MYO9B: variants seen among roughly 807,000 people sequenced by gnomAD.
MYO9B encodes myosin IXB.
Under a neutral mutation model 229.5 loss-of-function variants are expected in MYO9B, and 71 were observed. The observed-to-expected ratio is 0.31, with a 90% CI of 0.26 to 0.38. The LOEUF (loss-of-function observed/expected upper bound fraction) is 0.38. Among genes scored for constraint, MYO9B ranks in the 10% least tolerant of loss-of-function variants. MYO9B has a pLI of 1.00. For missense variants in MYO9B, 2,255 were observed against 2,920.5 expected, an observed-to-expected ratio of 0.77 and a Z score of 5.25; for synonymous variants, 1,185 against 1,235.8, an observed-to-expected ratio of 0.96 and a Z score of 0.86.
chr19:17,148,456 G>C (rs1345017348), intron 3 of MYO9B, among the ~76,000 whole-genome samples: 1 of 152,198 alleles, frequency 6.6e-6, no homozygotes, highest in Non-Finnish European at 1.5e-5. Context: ...CCACAGGGCT[G>C]GTTCCTTCTG....
intron 15 of MYO9B, among the ~76,000 whole-genome samples, chr19:17,182,149 C>T (rs1418673096): frequency 1.3e-5 from 2 of 151,752 alleles, no homozygotes; most frequent in Non-Finnish European, 2.9e-5. Flanking sequence ...AAACGATCAC[C>T]GCTCACGGCA....
At chr19:17,202,991 GT>G (rs1208024643) in intron 29 of MYO9B, 108 bp downstream of exon 29, 1 of 1,430,420 alleles carries the variant, frequency 7.0e-7, no homozygotes, top group African/African-American at 1.4e-5. Flanking sequence ...ACGCGTATGT[GT>G]GCGTGGACAC....
At chr19:17,168,657 C>T (rs936548981) in intron 11 of MYO9B, among the ~76,000 whole-genome samples, 2 of 152,184 alleles carry the variant, frequency 1.3e-5, no homozygotes, top group East Asian at 1.9e-4. Flanking sequence ...TGGGGCCAGA[C>T]GTGGTGGGGC....
In MYO9B at chr19:17,101,839, A is replaced by G; in HGVS notation, c.122A>G (p.Asp41Gly). ...QASCRVTATK[D>G]STTSDVIKDA... Reference sequence around the variant, plus strand: ...TCGTGCCGCGTGACTGCCACCAAGGACAGCACCACCTCGGACGTCATCAAG... The same window carrying G: ...TCGTGCCGCGTGACTGCCACCAAGGGCAGCACCACCTCGGACGTCATCAAG... Residue 41 changes from aspartate to glycine, a missense_variant, in exon 2 of 40, where the codon GAC becomes GGC. By Grantham distance (94) the Asp-to-Gly change is moderately conservative (BLOSUM62 -1). Around this residue, in one of 7 missense-constraint regions of MYO9B, gnomAD observed 386 missense variants for 515.2 expected, o/e 0.75. Coordinates refer to ENST00000682292, the MANE Select transcript of MYO9B (RefSeq NM_004145.4). This position sits in a 1 kb window ranked among gnomAD's most constrained non-coding sequence, Gnocchi z 4.7. 1.2e-6 allele frequency: 2 copies of G among 1,611,242 alleles called. No individual in the cohort carries two copies. Among genetic ancestry groups the G allele is most frequent in the Non-Finnish European group, 1.7e-6 (2 of 1,179,530 alleles).
In MYO9B at chr19:17,159,621, A is replaced by T. The variant is rs140675415; in HGVS notation, c.1419+137A>T. The T allele has an allele frequency of 5.0e-4, 410 of 823,564 alleles. 5 individuals carry two copies. The East Asian group carries it at 0.011, about 23-fold the overall frequency. 51.0% of individuals were successfully genotyped at this position (823,564 alleles called of 1,614,324 possible). ...AACCTAGGCAGTGCCTCTGATTGTC[A>T]TGCAAGCTCAGGTGTGGCACAAGCC... On this transcript the variant is annotated intron_variant, in intron 8 of 39. Transcript: ENST00000682292.
chr19:17,172,942 G>A lies in MYO9B; in HGVS notation c.2119G>A (p.Glu707Lys), dbSNP rs758039679. ...VLREAGRLRAERAEKAAGMSS... is the reference protein window; with the variant it reads ...VLREAGRLRAKRAEKAAGMSS... Reference sequence around the variant, plus strand: ...TCGGGAGGCCGGACGCCTGCGGGCCGAGAGGGCCGAAAAGGCTGCAGGTGG... The same window carrying A: ...TCGGGAGGCCGGACGCCTGCGGGCCAAGAGGGCCGAAAAGGCTGCAGGTGG... Residue 707 changes from glutamate to lysine, a missense_variant, in exon 13 of 40, where the codon GAG becomes AAG. Glu to Lys is a moderately conservative substitution (Grantham distance 56, BLOSUM62 1). Around this residue, in one of 7 missense-constraint regions of MYO9B, gnomAD observed 155 missense variants for 159.1 expected, o/e 0.97. Coordinates refer to ENST00000682292, the MANE Select transcript of MYO9B (RefSeq NM_004145.4). This position sits in a 1 kb window ranked among gnomAD's most constrained non-coding sequence, Gnocchi z 8.2. The A allele has an allele frequency of 2.6e-5, 41 of 1,598,240 alleles. No individual in the cohort carries two copies. In the East Asian group the frequency reaches 4.0e-4, roughly 16 times the overall value.
chr19:17,117,579 G>A lies in MYO9B; in HGVS notation c.840+15022G>A, dbSNP rs559333606. On this transcript the variant is annotated intron_variant, in intron 2 of 39. Transcript: ENST00000682292. Reference sequence around the variant, plus strand: ...CTAGAGGGGGTTCTCTGTAAATCCCGGACAGTATCATCACCTCTTTAAGGG... The same window carrying A: ...CTAGAGGGGGTTCTCTGTAAATCCCAGACAGTATCATCACCTCTTTAAGGG... Among the ~76,000 whole-genome samples the A allele has an allele frequency of 7.9e-5, 12 of 152,244 alleles. No homozygotes were observed. In the South Asian group the frequency reaches 8.3e-4, roughly 11 times the overall value.
rs775198461 is a variant in MYO9B at position 17,210,367 on chromosome 19, A to T, written c.5783A>T (p.Tyr1928Phe). 1 of 1,597,982 alleles carries T rather than the reference A, an allele frequency of 6.3e-7. No individual in the cohort carries two copies. Among genetic ancestry groups the T allele is most frequent in the Non-Finnish European group, 8.5e-7 (1 of 1,172,104 alleles). ...WPLKLGFSSP[Y>F]EGVLNKSPKT... ...CTCAAACTGGGGTTTTCGTCTCCCTATGAGGGGGTCCTGGTATGTACGCGT... is the reference window on the plus strand; with the variant it reads ...CTCAAACTGGGGTTTTCGTCTCCCTTTGAGGGGGTCCTGGTATGTACGCGT... Residue 1928 changes from tyrosine (Y) to phenylalanine (F), a missense_variant, in exon 37 of 40, where the codon TAT becomes TTT. Physicochemically the swap from Tyr to Phe is conservative, Grantham distance 22 (BLOSUM62 3). This residue lies in a region of MYO9B where 331 missense variants were observed against 332.5 expected (regional missense o/e 1.00). Coordinates refer to ENST00000682292, the MANE Select transcript of MYO9B (RefSeq NM_004145.4).
chr19:17,151,672 T>C lies in MYO9B; in HGVS notation c.936-972T>C, dbSNP rs2072478631. On this transcript the variant is annotated intron_variant, in intron 3 of 39. Coordinates refer to ENST00000682292, the MANE Select transcript of MYO9B (RefSeq NM_004145.4). ...TGGCTCACGCCTGTAATCCCAACAC[T>C]TCAGGAGGCTGAGACACGTAGATCA... Among the ~76,000 whole-genome samples the C allele has an allele frequency of 2.0e-5, 3 of 152,096 alleles. No homozygotes were observed. The South Asian group carries it at 6.2e-4, about 32-fold the overall frequency.
chr19:17,144,446 A>T (rs2072381389), intron 2 of MYO9B, among the ~76,000 whole-genome samples: 1 of 140,398 alleles, frequency 7.1e-6, no homozygotes, highest in African/African-American at 2.7e-5. Flanking sequence ...CTCTACAAAA[A>T]ATTAGCCAGG....
At chr19:17,191,308 CT>C in intron 20 of MYO9B, 89 bp downstream of exon 20, 3 of 1,070,384 alleles carry the variant, frequency 2.8e-6, no homozygotes, top group Non-Finnish European at 3.9e-6. Flanking sequence ...GGGCCACTCT[CT>C]GAAACATACA....
intron 15 of MYO9B, 41 bp downstream of exon 15, chr19:17,181,081 C>A: frequency 7.0e-7 from 1 of 1,421,166 alleles, no homozygotes; most frequent in Non-Finnish European, 9.8e-7. Flanking sequence ...GTGCGACAAC[C>A]GCCTCCCACT....
chr19:17,103,053 C>CA (rs55897174), intron 2 of MYO9B, among the ~76,000 whole-genome samples: 8,612 of 92,086 alleles, frequency 0.094, 269 homozygotes, highest in African/African-American at 0.14. Context: ...CCCCTCTCTA[C>CA]AAAAAAAAAA....
intron 2 of MYO9B, among the ~76,000 whole-genome samples, chr19:17,128,213 C>CT (rs1393653333): frequency 1.9e-5 from 2 of 102,722 alleles, no homozygotes; most frequent in Non-Finnish European, 3.9e-5. Context: ...CCTATCTATA[C>CT]TGAAAAAAAA....
chr19:17,169,403 C>T (rs2072696581), intron 11 of MYO9B, among the ~76,000 whole-genome samples: 1 of 148,654 alleles, frequency 6.7e-6, no homozygotes, highest in Non-Finnish European at 1.5e-5. Flanking sequence ...GATTCCATCT[C>T]TACAAAAAAA....
rs1273523182 is a variant in MYO9B at position 17,202,147 on chromosome 19, G to A, written c.4680G>A (p.Val1560=). The A allele has an allele frequency of 3.1e-6, 5 of 1,613,768 alleles. No homozygotes were observed. The African/African-American group carries it at 4.0e-5, about 13-fold the overall frequency. ...MYSVPNGKIH[V]GYKDLMENYQ... The stretch of plus-strand genomic sequence containing the variant: ...TCCTACAGAACGGGAAGATCCACGT[G>A]GGCTACAAGGATCTGATGGAGAACT... The change falls in exon 28 of 40, where the codon GTG becomes GTA. Residue 1560 remains valine (V), a synonymous_variant. Transcript: ENST00000682292.
In MYO9B at chr19:17,211,968, AC is replaced by A; in HGVS notation, c.6133del (p.Arg2045AspfsTer8). On this transcript the variant is annotated frameshift_variant, in exon 40 of 40. Transcript: ENST00000682292. LOFTEE classifies it low-confidence loss of function (END_TRUNC). The part of the protein sequence containing the change: ...SPLPTVAAPP[R>X]RRPSSFVTVR... ...CCCTCCCCACCGTGGCCGCCCCTCC[AC>A]GACGAAGGCCGTCGTCCTTCGTAAC... is the stretch of plus-strand genomic sequence containing the variant. 1.1e-6 allele frequency: 1 copy of A among 903,096 alleles called. No individual in the cohort carries two copies. Among genetic ancestry groups the A allele is most frequent in the Non-Finnish European group, 1.3e-6 (1 of 744,504 alleles). 55.9% of individuals were successfully genotyped at this position (903,096 alleles called of 1,614,324 possible). A position where few individuals can be genotyped will look rare whatever the true frequency, so the allele number is the denominator to read the frequency against.
intron 13 of MYO9B, 80 bp from the exon 14 acceptor site, chr19:17,175,582 TA>T: frequency 8.9e-7 from 1 of 1,119,986 alleles, no homozygotes; most frequent in Non-Finnish European, 1.2e-6. Flanking sequence ...CCATCTCAAA[TA>T]AATAAATAAA....
intron 1 of MYO9B, among the ~76,000 whole-genome samples, chr19:17,095,016 A>T (rs1185863187): frequency 6.6e-6 from 1 of 152,220 alleles, no homozygotes; most frequent in Non-Finnish European, 1.5e-5. Flanking sequence ...AGGTGGGCAG[A>T]TCACTTGAAG....
Sources: allele counts gnomAD v4.1 joint callset (sites outside exome capture counted in the v4.1 genomes callset), GRCh38; gene constraint gnomAD v4.1.1; regional missense constraint gnomAD v4.1.1; non-coding constraint Gnocchi (gnomAD v3.1); transcripts MANE v1.5; gene names NCBI Gene and HGNC (gene_info 2026-07-23, HGNC 2026-07-21).